ST6GALNAC3: variants seen among roughly 807,000 people sequenced by gnomAD.
ST6GALNAC3 encodes alpha-N-acetylgalactosaminide alpha-2,6-sialyltransferase 3.
ST6GALNAC3 carries 25 observed loss-of-function variants against 32.7 expected under a neutral mutation model. The ratio of observed to expected loss-of-function variants is 0.76; its 90% CI spans 0.56 to 1.07. The LOEUF (loss-of-function observed/expected upper bound fraction) is 1.07, where lower values mean the gene tolerates loss of function less well. ST6GALNAC3 is among the 50% of genes least tolerant of loss of function. The probability of loss-of-function intolerance (pLI) is 0.00; values close to 1 mark genes in which losing one functional copy is unlikely to be tolerated. For missense variants in ST6GALNAC3, 355 were observed against 382.4 expected (o/e 0.93, Z 0.60); for synonymous variants, 129 against 133.1 (o/e 0.97, Z 0.21).
chr1:76,629,059 T>C lies in ST6GALNAC3; in HGVS notation c.*253T>C. The C allele has an allele frequency of 8.1e-7, 1 of 1,227,746 alleles. No individual in the cohort carries two copies. Among genetic ancestry groups the C allele is most frequent in the African/African-American group, 1.6e-5 (1 of 63,078 alleles). The allele number at this position is 1,227,746 out of a possible 1,614,324, so 76.1% of individuals were successfully genotyped here. On this transcript the variant is annotated 3_prime_UTR_variant, in exon 5 of 5. Transcript: ENST00000328299. The stretch of plus-strand genomic sequence containing the variant: ...ACCGCACTTTATAATTTAACTGGAA[T>C]TGAGATGAAGGCCAGTGACATGACA...
chr1:76,442,300 T>C (rs1472497214), intron 3 of ST6GALNAC3, among the ~76,000 whole-genome samples: 1 of 152,220 alleles, frequency 6.6e-6, no homozygotes, highest in Non-Finnish European at 1.5e-5. Flanking sequence ...GATGTGTATG[T>C]AAGGACTACA....
intron 1 of ST6GALNAC3, among the ~76,000 whole-genome samples, chr1:76,273,700 C>T (rs1402613991): frequency 1.3e-5 from 2 of 152,092 alleles, no homozygotes; most frequent in African/African-American, 2.4e-5. Context: ...CGTGGCATAT[C>T]GGTCTGAAAA....
intron 3 of ST6GALNAC3, among the ~76,000 whole-genome samples, chr1:76,552,387 C>T (rs1281892182): frequency 2.0e-5 from 3 of 152,202 alleles, no homozygotes. Flanking sequence ...CCTTTGCTTT[C>T]CTTTCACTTT....
intron 2 of ST6GALNAC3, among the ~76,000 whole-genome samples, chr1:76,358,356 C>T (rs1035493362): frequency 6.6e-6 from 1 of 152,168 alleles, no homozygotes; most frequent in Non-Finnish European, 1.5e-5. Flanking sequence ...ATGGAACTCA[C>T]GAAACCTTTC....
rs568694243 is a variant in ST6GALNAC3, at chr1:76,278,223, C to CTTTTTTTTTTTTTTTTT, written c.19-35567_19-35566insTTTTTTTTTTTTTTTTT. ...TGTATTCTCATTATTGCTAGGCATTCTTTTTTTTTTTTTTTGAGATGGAGT... is the reference window on the plus strand; with the variant it reads ...TGTATTCTCATTATTGCTAGGCATTCTTTTTTTTTTTTTTTTTTTTTTTTTTTTTTTTGAGATGGAGT... On this transcript the variant is annotated intron_variant, in intron 1 of 4. Transcript: ENST00000328299. Among the ~76,000 whole-genome samples, 53 of 113,744 alleles carry CTTTTTTTTTTTTTTTTT rather than the reference C, an allele frequency of 4.7e-4. 2 individuals are homozygous for CTTTTTTTTTTTTTTTTT. The highest frequency in any genetic ancestry group is 1.9e-3 in the East Asian group (6 of 3,082). 74.6% of individuals were successfully genotyped at this position (113,744 alleles called of 152,430 possible). A position where few individuals can be genotyped will look rare whatever the true frequency, so the allele number is the denominator to read the frequency against.
At chr1:76,288,323 GA>G (rs1659895146) in intron 1 of ST6GALNAC3, among the ~76,000 whole-genome samples, 1 of 152,180 alleles carries the variant, frequency 6.6e-6, no homozygotes. Context: ...CCTGCAGAGT[GA>G]AAAAAATAAT....
At chr1:76,590,321 C>T (rs939506416) in intron 3 of ST6GALNAC3, among the ~76,000 whole-genome samples, 1 of 152,172 alleles carries the variant, frequency 6.6e-6, no homozygotes, top group Non-Finnish European at 1.5e-5. Context: ...TTTAGGAAGG[C>T]TCTCAAATAA....
intron 3 of ST6GALNAC3, among the ~76,000 whole-genome samples, chr1:76,592,495 G>A (rs178353): frequency 0.17 from 25,990 of 152,002 alleles, 3,097 homozygotes; most frequent in African/African-American, 0.34. Flanking sequence ...TATGCATGAG[G>A]GAACTGTCCT....
intron 1 of ST6GALNAC3, among the ~76,000 whole-genome samples, chr1:76,169,662 A>G (rs1557669110): frequency 2.0e-5 from 3 of 151,900 alleles, no homozygotes. Context: ...CATTTTCATT[A>G]TTTTTCTCTA....
intron 2 of ST6GALNAC3, among the ~76,000 whole-genome samples, chr1:76,410,499 G>A (rs919490276): frequency 3.3e-5 from 5 of 151,844 alleles, no homozygotes; most frequent in Middle Eastern, 3.4e-3. Flanking sequence ...TAATTTTCTC[G>A]ATTTAGTACT....
chr1:76,523,235 C>T (rs1392168751), intron 3 of ST6GALNAC3, among the ~76,000 whole-genome samples: 5 of 152,064 alleles, frequency 3.3e-5, no homozygotes, highest in African/African-American at 4.8e-5. Context: ...AATTCTCCAA[C>T]ATTTTATCTT....
At chr1:76,409,874 C>T (rs1231337790) in intron 2 of ST6GALNAC3, among the ~76,000 whole-genome samples, 1 of 152,050 alleles carries the variant, frequency 6.6e-6, no homozygotes, top group Non-Finnish European at 1.5e-5. Flanking sequence ...TATTACTTTA[C>T]TAATTAGGGG....
chr1:76,377,650 A>G (rs926086605), intron 2 of ST6GALNAC3, among the ~76,000 whole-genome samples: 3 of 152,160 alleles, frequency 2.0e-5, no homozygotes, highest in Admixed American at 2.0e-4. Context: ...GAGCCAAACT[A>G]TATCATTGAG....
chr1:76,479,099 G>A (rs1376153801), intron 3 of ST6GALNAC3, among the ~76,000 whole-genome samples: 1 of 152,032 alleles, frequency 6.6e-6, no homozygotes, highest in African/African-American at 2.4e-5. Flanking sequence ...AACACTGTAA[G>A]TATGCTTAAC....
intron 3 of ST6GALNAC3, among the ~76,000 whole-genome samples, chr1:76,616,782 C>T (rs1356182985): frequency 6.6e-6 from 1 of 152,130 alleles, no homozygotes; most frequent in Non-Finnish European, 1.5e-5. Flanking sequence ...GGGGGTATCA[C>T]TTAGATTTTC....
At chr1:76,538,326 A>T (rs532093522) in intron 3 of ST6GALNAC3, among the ~76,000 whole-genome samples, 66 of 152,240 alleles carry the variant, frequency 4.3e-4, no homozygotes, top group Middle Eastern at 3.2e-3. Flanking sequence ...ACATGACTTC[A>T]TGTTAAAAAC....
chr1:76,153,172 G>C (rs969077737), intron 1 of ST6GALNAC3, among the ~76,000 whole-genome samples: 1 of 152,056 alleles, frequency 6.6e-6, no homozygotes, highest in Non-Finnish European at 1.5e-5. Context: ...TCTGATAGGT[G>C]GAAAATGACG....
At chr1:76,223,303 C>T (rs911556234) in intron 1 of ST6GALNAC3, among the ~76,000 whole-genome samples, 15 of 152,068 alleles carry the variant, frequency 9.9e-5, no homozygotes, top group African/African-American at 3.1e-4. Flanking sequence ...AACAAAAACC[C>T]GAATACTGTA....
chr1:76,084,664 G>A (rs1247161788), intron 1 of ST6GALNAC3, among the ~76,000 whole-genome samples: 1 of 152,132 alleles, frequency 6.6e-6, no homozygotes, highest in Non-Finnish European at 1.5e-5. Context: ...TAAATTCAGC[G>A]ACATGCTAAT....
Sources: gnomAD v4.1 joint callset for allele counts (sites outside exome capture counted in the v4.1 genomes callset) on GRCh38, gnomAD v4.1.1 for gene constraint, MANE v1.5 for transcripts, NCBI Gene and HGNC (gene_info 2026-07-23, HGNC 2026-07-21) for gene names.